The following ATP11A variants were observed in gnomAD, a reference collection of about 807,000 sequenced individuals.
The protein encoded by ATP11A is phospholipid-transporting ATPase IH.
A neutral mutation model predicts 154.4 loss-of-function variants in ATP11A; 81 were observed. That is an observed-to-expected ratio of 0.52 (90% CI 0.44 to 0.63). The LOEUF is 0.63. Among genes scored for constraint, ATP11A ranks in the 30% least tolerant of loss-of-function variants. The probability of loss-of-function intolerance (pLI) is 0.00; values close to 1 mark genes in which losing one functional copy is unlikely to be tolerated. For missense variants in ATP11A, 1,316 were observed against 1,474.3 expected, an observed-to-expected ratio of 0.89 and a Z score of 1.76; for synonymous variants, 623 against 585.9, an observed-to-expected ratio of 1.06 and a Z score of -0.91.
chr13:112,740,146 C>CTA (rs1359168685), intron 1 of ATP11A, among the ~76,000 whole-genome samples: 443 of 112,486 alleles, frequency 3.9e-3, no homozygotes, highest in South Asian at 7.7e-3. Flanking sequence ...CTCTCTCTCT[C>CTA]TCTATATATA....
In ATP11A at chr13:112,833,039, A is replaced by T; in HGVS notation, c.1559+16A>T. On this transcript the variant is annotated intron_variant, in intron 14 of 29. Transcript: ENST00000375645. ...GTGTCCAGAGGTACGTCGCGGGCCA[A>T]GGGTCTGCCTGGGTTTCCTGATGTG... 6.2e-7 allele frequency: 1 copy of T among 1,604,596 alleles called. No individual in the cohort carries two copies. Among genetic ancestry groups the T allele is most frequent in the Middle Eastern group, 2.2e-4 (1 of 4,638 alleles).
rs1313184305 is a variant in ATP11A at position 112,778,803 on chromosome 13, G to A, written c.40-6332G>A. Among the ~76,000 whole-genome samples, 19 of 106,538 alleles carry A rather than the reference G, an allele frequency of 1.8e-4. No homozygotes were observed. In the South Asian group the frequency reaches 8.1e-3, roughly 46 times the overall value. The allele number at this position is 106,538 out of a possible 152,430, so 69.9% of individuals were successfully genotyped here. A position where few individuals can be genotyped will look rare whatever the true frequency, so the allele number is the denominator to read the frequency against. ...CCGCTGGAGTGAGGAGTAGCCGCTG[G>A]AGTGAGTAGCCGCTGGAGTGAGGAG... On this transcript the variant is annotated intron_variant, in intron 1 of 29. Coordinates refer to ENST00000375645, the MANE Select transcript of ATP11A (RefSeq NM_015205.3).
intron 1 of ATP11A, among the ~76,000 whole-genome samples, chr13:112,699,149 T>A (rs1036268173): frequency 2.6e-5 from 4 of 152,236 alleles, no homozygotes; most frequent in African/African-American, 9.6e-5. Context: ...CATTCAGAAA[T>A]TTGTTAGTGA....
intron 12 of ATP11A, among the ~76,000 whole-genome samples, chr13:112,829,626 C>G (rs1355573253): frequency 6.6e-6 from 1 of 152,182 alleles, no homozygotes; most frequent in Non-Finnish European, 1.5e-5. Context: ...AGCTTTTCCT[C>G]TGAGATCAGA....
In ATP11A at chr13:112,875,492, G is replaced by GT. The variant is rs35972555; in HGVS notation, c.3162-270dup. On this transcript the variant is annotated intron_variant, in intron 27 of 29. Transcript: ENST00000375645. The surrounding 1 kb of genome is among the most constrained non-coding windows in gnomAD (Gnocchi z 4.1). ...TCAATCCCTTTGTGTTTTGTTTTTT[G>GT]TTTTTTTTTTTTTTGCTTCTGTGAA... Among the ~76,000 whole-genome samples the GT allele has an allele frequency of 3.9e-3, 564 of 145,974 alleles. 2 individuals carry two copies. The highest frequency in any genetic ancestry group is 0.011 in the African/African-American group (455 of 39,924).
chr13:112,845,998 G>A (rs538123040), intron 17 of ATP11A, among the ~76,000 whole-genome samples: 1 of 152,184 alleles, frequency 6.6e-6, no homozygotes, highest in African/African-American at 2.4e-5. Flanking sequence ...CAGCTGCTGC[G>A]GGCCGCCTGC....
intron 1 of ATP11A, among the ~76,000 whole-genome samples, chr13:112,732,146 C>T (rs1890551388): frequency 6.6e-6 from 1 of 152,148 alleles, no homozygotes; most frequent in African/African-American, 2.4e-5. Context: ...GCGTCCCAAG[C>T]AGCTCCTCCA....
At chr13:112,772,186 C>A (rs759975902) in intron 1 of ATP11A, among the ~76,000 whole-genome samples, 6 of 152,116 alleles carry the variant, frequency 3.9e-5, no homozygotes, top group Non-Finnish European at 5.9e-5. Context: ...TTTTCTAAGA[C>A]GGAGTTTATT....
At chr13:112,835,132 G>T (rs1332365383) in intron 15 of ATP11A, among the ~76,000 whole-genome samples, 1 of 151,926 alleles carries the variant, frequency 6.6e-6, no homozygotes, top group East Asian at 1.9e-4. Context: ...ACGCTTTTCA[G>T]TCACCAGTTT....
intron 1 of ATP11A, among the ~76,000 whole-genome samples, chr13:112,775,059 G>A (rs2077314204): frequency 6.6e-6 from 1 of 152,254 alleles, no homozygotes; most frequent in Non-Finnish European, 1.5e-5. Context: ...GGCGTCTGAG[G>A]GACAGCGAGT....
At chr13:112,819,716 G>A (rs1388615089) in intron 7 of ATP11A, among the ~76,000 whole-genome samples, 184 bp from the exon 8 acceptor site, 4 of 152,160 alleles carry the variant, frequency 2.6e-5, no homozygotes, top group South Asian at 2.1e-4. Flanking sequence ...GAAAATCACC[G>A]AAGCCATGAG....
At chr13:112,881,000 A>G (rs961262441) in intron 29 of ATP11A, 3 of 990,294 alleles carry the variant, frequency 3.0e-6, no homozygotes, top group Non-Finnish European at 3.6e-6. Flanking sequence ...TTTGAAATCA[A>G]ACGTGGTTAT....
chr13:112,866,492 G>T (rs973634422), intron 25 of ATP11A, among the ~76,000 whole-genome samples: 2 of 151,402 alleles, frequency 1.3e-5, no homozygotes, highest in Admixed American at 1.3e-4. Flanking sequence ...TGGGAGGCCC[G>T]GTGGGGCCCT....
At chr13:112,758,179 A>G (rs1385294013) in intron 1 of ATP11A, among the ~76,000 whole-genome samples, 1 of 152,024 alleles carries the variant, frequency 6.6e-6, no homozygotes, top group Non-Finnish European at 1.5e-5. Context: ...CTCCTGCCTC[A>G]ACCTCCCAAC....
In ATP11A at chr13:112,851,153, A is replaced by G. The variant is rs942210531; in HGVS notation, c.1926A>G (p.Leu642=). The change falls in exon 18 of 30, where the codon TTA becomes TTG. Residue 642 remains leucine, a synonymous_variant. Coordinates refer to ENST00000375645, the MANE Select transcript of ATP11A (RefSeq NM_015205.3). ...CCCTTCAAGATCGAGAGAAAAAGTT[A>G]GCAGAAGCCTATGAGCAAATAGAGA... ...KVALQDREKK[L]AEAYEQIEKD... 2.5e-6 allele frequency: 4 copies of G among 1,614,252 alleles called. No individual in the cohort carries two copies. The highest frequency in any genetic ancestry group is 2.7e-5 in the African/African-American group (2 of 75,064).
chr13:112,736,869 G>C (rs1018483123), intron 1 of ATP11A, among the ~76,000 whole-genome samples: 1 of 152,218 alleles, frequency 6.6e-6, no homozygotes, highest in African/African-American at 2.4e-5. Context: ...GGACGGGAGA[G>C]AGGATTGGCA....
intron 14 of ATP11A, among the ~76,000 whole-genome samples, chr13:112,834,082 C>T (rs1001142604): frequency 2.0e-5 from 3 of 152,220 alleles, no homozygotes; most frequent in South Asian, 4.1e-4. Flanking sequence ...GACCCCCAGG[C>T]GTGCAGGAGG....
Position 112,882,383 on chromosome 13 carries a change from C to T in ATP11A, c.*517C>T. ...CCCATGGTGGCCCACATGTGGATGC[C>T]ACATGCTGCTGTTTCCTGCTTGCCC... On this transcript the variant is annotated 3_prime_UTR_variant, in exon 30 of 30. Transcript: ENST00000375645. This position sits in a 1 kb window ranked among gnomAD's most constrained non-coding sequence, Gnocchi z 5.1. The T allele has an allele frequency of 5.3e-6, 2 of 377,894 alleles. No individual in the cohort carries two copies. The highest frequency in any genetic ancestry group is 2.7e-5 in the South Asian group (1 of 36,622). The allele number at this position is 377,894 out of a possible 1,614,324, so 23.4% of individuals were successfully genotyped here.
chr13:112,790,801 T>C (rs2077831968), intron 2 of ATP11A, among the ~76,000 whole-genome samples: 1 of 152,248 alleles, frequency 6.6e-6, no homozygotes, highest in Non-Finnish European at 1.5e-5. Context: ...GAGTTGCACA[T>C]TTTTAAAGAA....
Sources: gnomAD v4.1 joint callset for allele counts (sites outside exome capture counted in the v4.1 genomes callset) on GRCh38, gnomAD v4.1.1 for gene constraint, Gnocchi (gnomAD v3.1) non-coding constraint, MANE v1.5 for transcripts, NCBI Gene and HGNC (gene_info 2026-07-23, HGNC 2026-07-21) for gene names.